The following VPS53 variants were observed in gnomAD, a reference collection of about 807,000 sequenced individuals.
VPS53 encodes the protein vacuolar protein sorting-associated protein 53 homolog.
VPS53 carries 70 observed loss-of-function variants against 107.0 expected under a neutral mutation model. That is an observed-to-expected ratio of 0.65 (90% CI 0.54 to 0.80). The LOEUF is 0.80. Among genes scored for constraint, VPS53 ranks in the 30% least tolerant of loss-of-function variants. The pLI, the probability that VPS53 is intolerant of heterozygous loss-of-function variation, is 0.00. For synonymous variants in VPS53, 409 were observed against 393.3 expected (o/e 1.04, Z -0.47); for missense variants, 917 against 1,049.4 (o/e 0.87, Z 1.74).
In VPS53 at chr17:542,317, G is replaced by A. The variant is rs1910761556; in HGVS notation, c.1867-5141C>T. On this transcript the variant is annotated intron_variant, in intron 17 of 21. Coordinates refer to ENST00000437048, the MANE Select transcript of VPS53 (RefSeq NM_001128159.3). ...CGTAACTGCTAAGTTAGCAGGAAAG[G>A]TCATTAAGATGGTACTTAAGATGCT... Among the ~76,000 whole-genome samples, 4 of 152,320 alleles carry A rather than the reference G, an allele frequency of 2.6e-5. No homozygotes were observed. In the South Asian group the frequency reaches 8.3e-4, roughly 32 times the overall value.
intron 4 of VPS53, among the ~76,000 whole-genome samples, chr17:665,498 C>G (rs1200905192): frequency 6.6e-6 from 1 of 152,172 alleles, no homozygotes; most frequent in Non-Finnish European, 1.5e-5. Flanking sequence ...AAGTGGGCTA[C>G]TGCTATAGTA....
At chr17:645,025 T>C (rs1970629295) in intron 7 of VPS53, among the ~76,000 whole-genome samples, 1 of 152,278 alleles carries the variant, frequency 6.6e-6, no homozygotes, top group South Asian at 2.1e-4. Flanking sequence ...TTTGGAGCAC[T>C]GAAATATATT....
chr17:572,809 T>TTAAA (rs1176175538), intron 13 of VPS53, among the ~76,000 whole-genome samples: 3 of 149,904 alleles, frequency 2.0e-5, no homozygotes, highest in Non-Finnish European at 2.9e-5. Context: ...ATGTGCTTTG[T>TTAAA]TAAACAGATG....
At chr17:693,048 C>T (rs188295599) in intron 4 of VPS53, among the ~76,000 whole-genome samples, 5 of 152,208 alleles carry the variant, frequency 3.3e-5, no homozygotes, top group East Asian at 1.9e-4. Flanking sequence ...GCAGGAGAGT[C>T]GCTTGAACCC....
chr17:516,486 C>T lies in VPS53; in HGVS notation c.*2642G>A, dbSNP rs1908322846. 1 of 152,214 alleles carries T rather than the reference C, an allele frequency of 6.6e-6. No homozygotes were observed. The highest frequency in any genetic ancestry group is 1.5e-5 in the Non-Finnish European group (1 of 68,112). 9.4% of individuals were successfully genotyped at this position (152,214 alleles called of 1,614,324 possible). A position where few individuals can be genotyped will look rare whatever the true frequency, so the allele number is the denominator to read the frequency against. The stretch of plus-strand genomic sequence containing the variant: ...GGTTCAAGCGATTCTCCTGCCTCAG[C>T]CTCCCAAGTAGCTGGGAGGTGTGCA... On this transcript the variant is annotated 3_prime_UTR_variant, in exon 22 of 22. Transcript: ENST00000437048.
chr17:535,788 A>G (rs1910011106), intron 18 of VPS53, among the ~76,000 whole-genome samples: 1 of 152,196 alleles, frequency 6.6e-6, no homozygotes, highest in South Asian at 2.1e-4. Context: ...CTCCCTGGAG[A>G]GTCCACTCTA....
rs370741930 is a variant in VPS53, at chr17:519,836, A to G, written c.2318T>C (p.Leu773Pro). The change falls in exon 21 of 22, where the codon CTG (leucine) becomes CCG (proline). Residue 773 changes from leucine to proline, a missense_variant. Physicochemically the swap from Leu to Pro is moderately conservative, Grantham distance 98. Coordinates refer to ENST00000437048, the MANE Select transcript of VPS53 (RefSeq NM_001128159.3). The surrounding 1 kb of genome is among the most constrained non-coding windows in gnomAD (Gnocchi z 5.0). ...TGTCCCGGCACAAACCTTCATGTCC[A>G]GTATCTTCTGAAAGGTTTCTGTGTT... ...DCNTETFQKI[L>P]DMKGLKRSEQ... 1.3e-5 allele frequency: 20 copies of G among 1,551,084 alleles called. No individual in the cohort carries two copies. The highest frequency in any genetic ancestry group is 1.7e-5 in the Non-Finnish European group (19 of 1,146,524).
At chr17:576,209 C>T (rs375277635) in intron 13 of VPS53, among the ~76,000 whole-genome samples, 7 of 150,588 alleles carry the variant, frequency 4.6e-5, no homozygotes, top group African/African-American at 1.7e-4. Context: ...CTAAATGGTT[C>T]CCAGAGAACC....
At chr17:593,837 C>T (rs1410458089) in intron 12 of VPS53, among the ~76,000 whole-genome samples, 2 of 152,156 alleles carry the variant, frequency 1.3e-5, no homozygotes, top group Non-Finnish European at 2.9e-5. Flanking sequence ...ATAAATCATG[C>T]TGCTATAAAG....
chr17:635,497 C>A (rs1970159210), intron 7 of VPS53, among the ~76,000 whole-genome samples: 1 of 152,154 alleles, frequency 6.6e-6, no homozygotes, highest in Non-Finnish European at 1.5e-5. Flanking sequence ...ATGGTATTGC[C>A]TAGGTTTTCT....
At chr17:567,380 A>T (rs149038937) in intron 13 of VPS53, among the ~76,000 whole-genome samples, 3 of 152,314 alleles carry the variant, frequency 2.0e-5, no homozygotes, top group Non-Finnish European at 4.4e-5. Flanking sequence ...GCATGCTTTG[A>T]TGCCACATGA....
chr17:672,344 C>T (rs939364640), intron 4 of VPS53, among the ~76,000 whole-genome samples: 11 of 152,120 alleles, frequency 7.2e-5, no homozygotes, highest in Non-Finnish European at 1.5e-4. Context: ...CCCCTTTTGC[C>T]TAAGCCCGTT....
intron 12 of VPS53, among the ~76,000 whole-genome samples, chr17:592,217 C>A (rs1967700925): frequency 6.6e-6 from 1 of 152,154 alleles, no homozygotes; most frequent in Non-Finnish European, 1.5e-5. Flanking sequence ...GCAACCCCTG[C>A]CTTTTTTTGT....
chr17:627,841 G>T (rs1046541762), intron 9 of VPS53, among the ~76,000 whole-genome samples: 1 of 152,118 alleles, frequency 6.6e-6, no homozygotes, highest in Non-Finnish European at 1.5e-5. Context: ...TTGGCCTTCA[G>T]GGGTCTATAC....
intron 2 of VPS53, among the ~76,000 whole-genome samples, chr17:710,245 TC>T (rs1229220888): frequency 5.3e-5 from 8 of 152,166 alleles, no homozygotes; most frequent in African/African-American, 1.9e-4. Context: ...CCCCCACTTG[TC>T]CCTACTACAT....
At chr17:554,492 C>T (rs1188284222) in intron 15 of VPS53, among the ~76,000 whole-genome samples, 1 of 152,178 alleles carries the variant, frequency 6.6e-6, no homozygotes, top group Admixed American at 6.5e-5. Flanking sequence ...CAACCTCTGC[C>T]TCCAGGGTTT....
At chr17:704,173 G>A (rs1973315979) in intron 2 of VPS53, among the ~76,000 whole-genome samples, 1 of 151,894 alleles carries the variant, frequency 6.6e-6, no homozygotes, top group African/African-American at 2.4e-5. Flanking sequence ...TTACTATTAG[G>A]AGGCTAAAAC....
At chr17:654,598 T>TGCG (rs1971100795) in intron 6 of VPS53, among the ~76,000 whole-genome samples, 1 of 150,480 alleles carries the variant, frequency 6.6e-6, no homozygotes, top group Non-Finnish European at 1.5e-5. Context: ...TTAACCGGGC[T>TGCG]TAGTGGCGGG....
Position 553,404 on chromosome 17 carries a change from G to C in VPS53, c.1763C>G (p.Thr588Ser), listed in dbSNP as rs1159057473. The C allele has an allele frequency of 6.2e-7, 1 of 1,614,088 alleles. No individual in the cohort carries two copies. The highest frequency in any genetic ancestry group is 1.1e-5 in the South Asian group (1 of 91,078). ...DVSLIERINL[T>S]GEMDTFSTVI... ...CGTGCTGAACGTGTCCATCTCTCCA[G>C]TCAGATTGATTCGTTCAATCAGACT... Residue 588 changes from threonine (T) to serine (S), a missense_variant, in exon 16 of 22, where the codon ACT becomes AGT. Coordinates refer to ENST00000437048, the MANE Select transcript of VPS53 (RefSeq NM_001128159.3).
Sources: allele counts gnomAD v4.1 joint callset (sites outside exome capture counted in the v4.1 genomes callset), GRCh38; gene constraint gnomAD v4.1.1; non-coding constraint Gnocchi (gnomAD v3.1); transcripts MANE v1.5; gene names NCBI Gene and HGNC (gene_info 2026-07-23, HGNC 2026-07-21).